Variants in MAF observed in about 807,000 individuals in gnomAD.
MAF encodes the protein MAF bZIP transcription factor.
MAF carries 10 observed loss-of-function variants against 22.0 expected under a neutral mutation model. The observed-to-expected ratio is 0.45, with a 90% confidence interval of 0.28 to 0.77. The LOEUF (loss-of-function observed/expected upper bound fraction) is 0.77, where lower values mean the gene tolerates loss of function less well. MAF is among the 30% of genes least tolerant of loss of function. MAF has a pLI of 0.12. For missense variants in MAF, 544 were observed against 548.4 expected, an observed-to-expected ratio of 0.99 and a Z score of 0.08; for synonymous variants, 337 against 255.8, an observed-to-expected ratio of 1.32 and a Z score of -3.03.
At chr16:79,283,678 T>G in the MAF span, among the ~76,000 whole-genome samples, 2 of 152,190 alleles carry the variant, frequency 1.3e-5, no homozygotes, top group African/African-American at 4.8e-5. Context: ...CATAACCAAT[T>G]GCTCAGCAAT....
the MAF span, among the ~76,000 whole-genome samples, chr16:79,361,546 G>A: frequency 6.6e-6 from 1 of 152,194 alleles, no homozygotes; most frequent in Non-Finnish European, 1.5e-5. Context: ...AGCCATGCTA[G>A]CCGGCTGCCT....
chr16:79,484,828 C>T, the MAF span, among the ~76,000 whole-genome samples: 2 of 152,124 alleles, frequency 1.3e-5, no homozygotes, highest in African/African-American at 4.8e-5. Context: ...TGTGTGAATG[C>T]ATTTTCACTA....
At chr16:79,594,785 T>A (rs1012257120) in intron 1 of MAF, 1 of 1,320,498 alleles carries the variant, frequency 7.6e-7, no homozygotes, top group Non-Finnish European at 9.7e-7. Context: ...TTTCTAAAAA[T>A]GCCTTTTACT....
chr16:79,207,845 A>C, the MAF span, among the ~76,000 whole-genome samples: 1 of 152,146 alleles, frequency 6.6e-6, no homozygotes, highest in African/African-American at 2.4e-5. Context: ...TTTCCTTTAA[A>C]GGAGTCAATA....
chr16:79,515,315 C>T, the MAF span, among the ~76,000 whole-genome samples: 1 of 152,180 alleles, frequency 6.6e-6, no homozygotes, highest in Admixed American at 6.5e-5. Flanking sequence ...TTTGATGGTT[C>T]CACTTATGGA....
At chr16:79,233,369 G>C in the MAF span, among the ~76,000 whole-genome samples, 1 of 151,966 alleles carries the variant, frequency 6.6e-6, no homozygotes, top group Non-Finnish European at 1.5e-5. Flanking sequence ...TGATCATCCA[G>C]GGCCCCTTGT....
chr16:79,280,557 ATG>A, the MAF span, among the ~76,000 whole-genome samples: 1 of 152,186 alleles, frequency 6.6e-6, no homozygotes, highest in Non-Finnish European at 1.5e-5. Flanking sequence ...TCACTTGCAT[ATG>A]TGTCTTTTGA....
chr16:79,447,028 G>T, the MAF span, among the ~76,000 whole-genome samples: 5 of 152,102 alleles, frequency 3.3e-5, no homozygotes, highest in Non-Finnish European at 5.9e-5. Flanking sequence ...ATTATAAATT[G>T]GGTGTATTCA....
At chr16:79,354,062 C>A in the MAF span, among the ~76,000 whole-genome samples, 2 of 152,048 alleles carry the variant, frequency 1.3e-5, no homozygotes, top group African/African-American at 4.8e-5. Flanking sequence ...GTGGTGCCAT[C>A]ACGGCTCACT....
the MAF span, among the ~76,000 whole-genome samples, chr16:79,271,182 C>A: frequency 6.6e-6 from 1 of 151,784 alleles, no homozygotes; most frequent in African/African-American, 2.4e-5. Flanking sequence ...TCCCAAAGTG[C>A]TGGGATTATA....
the MAF span, among the ~76,000 whole-genome samples, chr16:79,218,613 C>A: frequency 6.6e-6 from 1 of 152,188 alleles, no homozygotes; most frequent in South Asian, 2.1e-4. Context: ...ACATTTTAAA[C>A]TGATTTTCAC....
the MAF span, among the ~76,000 whole-genome samples, chr16:79,265,945 G>A: frequency 0.43 from 64,669 of 152,070 alleles, 14,666 homozygotes; most frequent in Non-Finnish European, 0.49. Context: ...CTACAGCAGG[G>A]ATATGTTGAA....
chr16:79,243,684 GA>G, the MAF span, among the ~76,000 whole-genome samples: 2 of 151,956 alleles, frequency 1.3e-5, no homozygotes, highest in African/African-American at 4.8e-5. Flanking sequence ...TCAAACAACA[GA>G]AAAACAGGGA....
At chr16:79,482,412 G>A in the MAF span, among the ~76,000 whole-genome samples, 1 of 152,192 alleles carries the variant, frequency 6.6e-6, no homozygotes, top group African/African-American at 2.4e-5. Flanking sequence ...TGGAGAGATT[G>A]TCAAATCAGC....
At chr16:79,502,498 T>C in the MAF span, among the ~76,000 whole-genome samples, 1 of 151,502 alleles carries the variant, frequency 6.6e-6, no homozygotes, top group Non-Finnish European at 1.5e-5. Flanking sequence ...AAACCCTGTG[T>C]CTACAAAACA....
chr16:79,342,666 C>T, the MAF span, among the ~76,000 whole-genome samples: 1 of 152,082 alleles, frequency 6.6e-6, no homozygotes, highest in Admixed American at 6.5e-5. Flanking sequence ...ATCATCATAA[C>T]AAAATTAAGA....
chr16:79,280,287 G>A, the MAF span, among the ~76,000 whole-genome samples: 1 of 152,210 alleles, frequency 6.6e-6, no homozygotes, highest in African/African-American at 2.4e-5. Context: ...AGAGAGGTCT[G>A]GGGCAGACTC....
At chr16:79,411,735 C>T in the MAF span, among the ~76,000 whole-genome samples, 1 of 152,294 alleles carries the variant, frequency 6.6e-6, no homozygotes, top group Admixed American at 6.5e-5. Flanking sequence ...ATTTGGGCTC[C>T]CCCAGGCTTT....
At chr16:79,375,556 T>C in the MAF span, among the ~76,000 whole-genome samples, 1 of 152,120 alleles carries the variant, frequency 6.6e-6, no homozygotes, top group Admixed American at 6.5e-5. Context: ...ATGATGACTG[T>C]GACAATGATG....
Sources: allele counts gnomAD v4.1 joint callset (sites outside exome capture counted in the v4.1 genomes callset), GRCh38; gene constraint gnomAD v4.1.1; transcripts MANE v1.5; gene names NCBI Gene and HGNC (gene_info 2026-07-23, HGNC 2026-07-21).